Variants in HTT observed in about 807,000 individuals in gnomAD.
The protein encoded by HTT is huntingtin.
In HTT, 104 loss-of-function variants were observed where a neutral mutation model predicts 362.3. The observed-to-expected ratio is 0.29, with a 90% CI of 0.24 to 0.34. HTT has a LOEUF of 0.34. HTT is among the 10% of genes least tolerant of loss of function. The pLI is 1.00. For synonymous variants in HTT, 1,577 were observed against 1,548.7 expected (o/e 1.02, Z -0.43); for missense variants, 3,301 against 3,928.6 (o/e 0.84, Z 4.27).
At chr4:3,102,206 G>A (rs184684197) in intron 3 of HTT, among the ~76,000 whole-genome samples, 21 of 152,322 alleles carry the variant, frequency 1.4e-4, no homozygotes, top group Admixed American at 3.9e-4. Context: ...TGGTGGCAGG[G>A]CTGTGAGGAG....
chr4:3,129,577 G>A (rs543993112), intron 12 of HTT: 18 of 206,828 alleles, frequency 8.7e-5, no homozygotes, highest in Non-Finnish European at 1.2e-4. Flanking sequence ...GGTTTTTGTC[G>A]AAAAGCTTTG....
rs79516397 is a variant in HTT at position 3,103,722 on chromosome 4, T to C, written c.469-102T>C. ...TATATTCTTAATTTAGTTGCTATTA[T>C]GTTTTGCTTTGCCCCAAAATTGAAA... On this transcript the variant is annotated intron_variant, in intron 3 of 66. Transcript: ENST00000355072. 3,209 of 717,668 alleles carry C rather than the reference T, an allele frequency of 4.5e-3. 21 individuals carry two copies. The highest frequency in any genetic ancestry group is 5.4e-3 in the Non-Finnish European group (2,155 of 398,182). The allele number at this position is 717,668 out of a possible 1,614,324, so 44.5% of individuals were successfully genotyped here. A position where few individuals can be genotyped will look rare whatever the true frequency, so the allele number is the denominator to read the frequency against.
intron 59 of HTT, among the ~76,000 whole-genome samples, chr4:3,229,519 CAT>C (rs1233502260): frequency 1.3e-5 from 2 of 149,138 alleles, no homozygotes; most frequent in African/African-American, 4.9e-5. Context: ...ACCCCACACA[CAT>C]GTACGCACCA....
Position 3,107,303 on chromosome 4 carries a change from T to G in HTT, c.627T>G (p.Leu209=), listed in dbSNP as rs1171570428. The G allele has an allele frequency of 1.2e-6, 2 of 1,614,116 alleles. No individual in the cohort carries two copies. Among genetic ancestry groups the G allele is most frequent in the African/African-American group, 2.7e-5 (2 of 74,948 alleles). ...TACACAGGCCTTACCTGGTGAACCT[T>G]CTGCCGTGCCTGACTCGAACAAGCA... The part of the protein sequence containing the change: ...PQKCRPYLVN[L]LPCLTRTSKR... Residue 209 remains leucine (L), a synonymous_variant, in exon 6 of 67, where the codon CTT becomes CTG. Coordinates refer to ENST00000355072, the MANE Select transcript of HTT (RefSeq NM_001388492.1).
chr4:3,220,620 A>T (rs568572618), intron 53 of HTT, among the ~76,000 whole-genome samples: 15 of 152,272 alleles, frequency 9.9e-5, no homozygotes, highest in African/African-American at 3.4e-4. Flanking sequence ...CATTTAGGCT[A>T]AACAGTGGCA....
intron 6 of HTT, among the ~76,000 whole-genome samples, chr4:3,115,068 G>A (rs1024256208): frequency 6.6e-6 from 1 of 152,164 alleles, no homozygotes; most frequent in Non-Finnish European, 1.5e-5. Context: ...AGAGGACATG[G>A]ATGCTGAGCA....
intron 51 of HTT, among the ~76,000 whole-genome samples, chr4:3,216,993 C>G (rs551379494): frequency 6.6e-6 from 1 of 151,152 alleles, no homozygotes. Flanking sequence ...CCACTGCACT[C>G]CAGCCTGGGC....
At chr4:3,126,963 A>G (rs1715549499) in intron 11 of HTT, among the ~76,000 whole-genome samples, 1 of 152,280 alleles carries the variant, frequency 6.6e-6, no homozygotes, top group Admixed American at 6.5e-5. Flanking sequence ...GTCTTTATAT[A>G]TTGCTCCAGC....
Position 3,187,902 on chromosome 4 carries a change from G to A in HTT, c.5225+16G>A. ...CATTTTCAAGGTATGCTTTCTATCT[G>A]AGCCTATAACTAACCCATGCCTTTT... is the stretch of plus-strand genomic sequence containing the variant. On this transcript the variant is annotated intron_variant, in intron 39 of 66. Transcript: ENST00000355072. The A allele has an allele frequency of 6.6e-7, 1 of 1,516,962 alleles. No homozygotes were observed. The highest frequency in any genetic ancestry group is 1.1e-5 in the South Asian group (1 of 88,354). The allele number at this position is 1,516,962 out of a possible 1,614,324, so 94.0% of individuals were successfully genotyped here. A position where few individuals can be genotyped will look rare whatever the true frequency, so the allele number is the denominator to read the frequency against.
chr4:3,213,712 C>T lies in HTT; in HGVS notation c.6775-246C>T, dbSNP rs561279876. Among the ~76,000 whole-genome samples, 5 of 152,312 alleles carry T rather than the reference C, an allele frequency of 3.3e-5. No individual in the cohort carries two copies. In the South Asian group the frequency reaches 1.0e-3, roughly 32 times the overall value. ...GAGAGATTTCTACAGGAGCCCACAG[C>T]GCTGAAGGAGAGAGAGGCAGCAGAG... On this transcript the variant is annotated intron_variant, in intron 49 of 66. Transcript: ENST00000355072.
intron 59 of HTT, among the ~76,000 whole-genome samples, 171 bp downstream of exon 59, chr4:3,229,180 C>A (rs1210805447): frequency 1.3e-5 from 2 of 150,786 alleles, no homozygotes; most frequent in Non-Finnish European, 3.0e-5. Context: ...ACACATGCCA[C>A]ATGCACACAC....
In HTT at chr4:3,212,227, G is replaced by A. The variant is rs16844057; in HGVS notation, c.6628+85G>A. The A allele has an allele frequency of 5.4e-3, 5,645 of 1,046,570 alleles. 152 individuals carry two copies. In the African/African-American group the frequency reaches 0.067, roughly 12 times the overall value. 64.8% of individuals were successfully genotyped at this position (1,046,570 alleles called of 1,614,324 possible). A position where few individuals can be genotyped will look rare whatever the true frequency, so the allele number is the denominator to read the frequency against. On this transcript the variant is annotated intron_variant, in intron 48 of 66. Transcript: ENST00000355072. ...TTGCACCAAGTAAATGTACAATAAA[G>A]GCAGTGGATCTAATACATTGAAAGC... is the stretch of plus-strand genomic sequence containing the variant.
intron 6 of HTT, among the ~76,000 whole-genome samples, chr4:3,107,709 T>A (rs879920492): frequency 1.2e-4 from 19 of 152,162 alleles, no homozygotes; most frequent in Admixed American, 1.2e-3. Flanking sequence ...CTAGAGTGAC[T>A]CTTTAACCTA....
intron 26 of HTT, among the ~76,000 whole-genome samples, chr4:3,151,128 C>T (rs1262781160): frequency 1.3e-5 from 2 of 151,528 alleles, no homozygotes; most frequent in African/African-American, 4.9e-5. Context: ...TCCTCTCAGG[C>T]CAGTGGTGGC....
chr4:3,172,872 C>A (rs368229355), intron 30 of HTT, 36 bp from the exon 31 acceptor site: 1 of 1,392,488 alleles, frequency 7.2e-7, no homozygotes, highest in Admixed American at 1.7e-5. Flanking sequence ...GTGTTGTTCA[C>A]GCCACATTGT....
chr4:3,083,140 T>C (rs1713004320), intron 1 of HTT, among the ~76,000 whole-genome samples: 1 of 152,158 alleles, frequency 6.6e-6, no homozygotes, highest in Non-Finnish European at 1.5e-5. Flanking sequence ...AGGATGAGGC[T>C]GCGAGAGATG....
At chr4:3,119,859 C>T (rs1715211501) in intron 8 of HTT, among the ~76,000 whole-genome samples, 1 of 152,118 alleles carries the variant, frequency 6.6e-6, no homozygotes, top group Non-Finnish European at 1.5e-5. Flanking sequence ...AGAGCAGGTA[C>T]CCAAAAATGT....
chr4:3,225,542 G>T, intron 56 of HTT, 119 bp from the exon 57 acceptor site: 1 of 759,924 alleles, frequency 1.3e-6, no homozygotes, highest in Non-Finnish European at 2.2e-6. Flanking sequence ...TGCCAGTGGC[G>T]GCGAGGGCAG....
At chr4:3,233,423 T>G in intron 61 of HTT, 70 bp downstream of exon 61, 4 of 1,435,330 alleles carry the variant, frequency 2.8e-6, no homozygotes, top group Non-Finnish European at 3.9e-6. Flanking sequence ...AGCATCACCC[T>G]CTCCAAGTGC....
Sources: allele counts gnomAD v4.1 joint callset (sites outside exome capture counted in the v4.1 genomes callset), GRCh38; gene constraint gnomAD v4.1.1; transcripts MANE v1.5; gene names NCBI Gene and HGNC (gene_info 2026-07-23, HGNC 2026-07-21).